Variants in LRRC17 observed in about 807,000 individuals in gnomAD.
LRRC17 encodes the protein leucine-rich repeat-containing protein 17.
A neutral mutation model predicts 41.5 loss-of-function variants in LRRC17; 33 were observed. The ratio of observed to expected loss-of-function variants is 0.80; its 90% CI spans 0.60 to 1.06. The LOEUF (loss-of-function observed/expected upper bound fraction) is 1.06. Ranked by LOEUF, LRRC17 falls within the 50% of genes least tolerant of loss-of-function variation. LRRC17 has a pLI of 0.00. For missense variants in LRRC17, 491 were observed against 519.3 expected (o/e 0.95, Z 0.53); for synonymous variants, 192 against 197.0 (o/e 0.97, Z 0.21).
chr7:102,926,519 T>C (rs916370299), intron 1 of LRRC17: 2 of 613,686 alleles, frequency 3.3e-6, no homozygotes, highest in African/African-American at 3.8e-5. Flanking sequence ...TACTATTAGG[T>C]TGAAATGAAA....
chr7:102,938,433 A>G (rs1165204578), intron 2 of LRRC17, among the ~76,000 whole-genome samples: 1 of 152,214 alleles, frequency 6.6e-6, no homozygotes, highest in Non-Finnish European at 1.5e-5. Context: ...GTTGCTGACA[A>G]CCAATATAGC....
intron 3 of LRRC17, among the ~76,000 whole-genome samples, chr7:102,942,578 T>A (rs562531374): frequency 6.6e-6 from 1 of 152,318 alleles, no homozygotes; most frequent in East Asian, 1.9e-4. Context: ...ATGCTTTTAA[T>A]CTCAAAGTCT....
intron 1 of LRRC17, among the ~76,000 whole-genome samples, chr7:102,929,818 T>C (rs1054344092): frequency 1.3e-5 from 2 of 152,092 alleles, no homozygotes; most frequent in Admixed American, 6.6e-5. Flanking sequence ...AAGTTGGTTG[T>C]GGTGATGGTC....
At chr7:102,939,391 A>G (rs1233160822) in intron 2 of LRRC17, 39 bp from the exon 3 acceptor site, 2 of 1,561,320 alleles carry the variant, frequency 1.3e-6, no homozygotes, top group East Asian at 4.5e-5. Context: ...AATGGGGGCA[A>G]AAAGAGCATA....
chr7:102,923,626 G>C (rs1006269874), intron 1 of LRRC17, among the ~76,000 whole-genome samples: 3 of 151,374 alleles, frequency 2.0e-5, no homozygotes, highest in Non-Finnish European at 2.9e-5. Context: ...TTCAAGACCA[G>C]CCTGACCAAT....
intron 1 of LRRC17, among the ~76,000 whole-genome samples, chr7:102,929,308 T>C (rs187100192): frequency 6.6e-6 from 1 of 152,292 alleles, no homozygotes; most frequent in Non-Finnish European, 1.5e-5. Flanking sequence ...ATAAGTGTAA[T>C]ACAGTGTGAA....
chr7:102,929,535 G>A (rs1033422323), intron 1 of LRRC17, among the ~76,000 whole-genome samples: 11 of 152,002 alleles, frequency 7.2e-5, no homozygotes, highest in African/African-American at 1.9e-4. Flanking sequence ...GCAGTGGCAC[G>A]TGCCTATAAT....
chr7:102,929,913 A>G (rs1026041951), intron 1 of LRRC17, among the ~76,000 whole-genome samples: 8 of 152,254 alleles, frequency 5.3e-5, no homozygotes, highest in Admixed American at 4.6e-4. Context: ...TAAATTTATT[A>G]TATCTCAATA....
chr7:102,935,029 A>G (rs1820011223), intron 2 of LRRC17, among the ~76,000 whole-genome samples: 2 of 152,148 alleles, frequency 1.3e-5, no homozygotes, highest in African/African-American at 4.8e-5. Context: ...AATAAGTGCA[A>G]ATGCCATCTA....
intron 1 of LRRC17, among the ~76,000 whole-genome samples, chr7:102,921,651 G>A (rs577940707): frequency 2.9e-4 from 44 of 152,200 alleles, no homozygotes; most frequent in Non-Finnish European, 6.3e-4. Flanking sequence ...CTGCACTCCA[G>A]CCTGGGCGAC....
At chr7:102,913,348 GTTAAC>G in intron 1 of LRRC17, 5 of 1,047,880 alleles carry the variant, frequency 4.8e-6, no homozygotes, top group Non-Finnish European at 4.1e-6. Context: ...TAACTTTACT[GTTAAC>G]TCTCTACCTG....
intron 1 of LRRC17, among the ~76,000 whole-genome samples, chr7:102,922,291 T>C (rs1406670200): frequency 6.6e-6 from 1 of 152,042 alleles, no homozygotes; most frequent in Non-Finnish European, 1.5e-5. Context: ...ACAATACTTA[T>C]CAAGTTATAC....
In LRRC17 at chr7:102,939,596, C is replaced by T; in HGVS notation, c.928+11C>T. 6.3e-7 allele frequency: 1 copy of T among 1,596,986 alleles called. No individual in the cohort carries two copies. Among genetic ancestry groups the T allele is most frequent in the Non-Finnish European group, 8.5e-7 (1 of 1,171,926 alleles). ...AATTCATCGATCCTGGTAAGTTCCC[C>T]TGTATAGCCCCTTCAATGGGTGGCA... On this transcript the variant is annotated intron_variant, in intron 3 of 3. Transcript: ENST00000339431.
intron 1 of LRRC17, among the ~76,000 whole-genome samples, chr7:102,913,402 A>G (rs1410882508): frequency 3.3e-5 from 5 of 152,258 alleles, no homozygotes; most frequent in African/African-American, 1.2e-4. Context: ...AAGGTAACAC[A>G]CAATACATTT....
At position 102,944,117 on chromosome 7, in the gene LRRC17, A is replaced by G. The variant is rs976586031; in HGVS notation, c.929-93A>G. 15 of 948,788 alleles carry G rather than the reference A, an allele frequency of 1.6e-5. No individual in the cohort carries two copies. The African/African-American group carries it at 2.4e-4, about 15-fold the overall frequency. The allele number at this position is 948,788 out of a possible 1,614,324, so 58.8% of individuals were successfully genotyped here. ...TCTTTATTTTCAAAGGGGAAAATTA[A>G]GCCTCTTTTTAAAATTTGTATTTGT... On this transcript the variant is annotated intron_variant, in intron 3 of 3. Transcript: ENST00000339431.
chr7:102,934,417 T>C lies in LRRC17; in HGVS notation c.504T>C (p.Thr168=). The C allele has an allele frequency of 1.1e-5, 17 of 1,614,172 alleles. No individual in the cohort carries two copies. The highest frequency in any genetic ancestry group is 1.4e-5 in the Non-Finnish European group (17 of 1,180,030). ...TTTATGACAACCCCTGGCACTGTAC[T>C]TGTGAGATAGAAACGCTTATTTCAA... ...LRLYDNPWHC[T]CEIETLISML... Residue 168 remains threonine (T), a synonymous_variant, in exon 2 of 4, where the codon ACT becomes ACC. Coordinates refer to ENST00000339431, the MANE Select transcript of LRRC17 (RefSeq NM_001031692.3).
At chr7:102,915,790 A>T (rs963173886) in intron 1 of LRRC17, among the ~76,000 whole-genome samples, 1 of 152,198 alleles carries the variant, frequency 6.6e-6, no homozygotes, top group Non-Finnish European at 1.5e-5. Context: ...ATATTAAGTA[A>T]GATTTTGTGG....
At chr7:102,924,740 C>T (rs1033811250) in intron 1 of LRRC17, among the ~76,000 whole-genome samples, 1 of 146,320 alleles carries the variant, frequency 6.8e-6, no homozygotes, top group Non-Finnish European at 1.5e-5. Flanking sequence ...CTCCTGGGTT[C>T]ATGCCATTCT....
chr7:102,935,203 T>C (rs982888771), intron 2 of LRRC17, among the ~76,000 whole-genome samples: 5 of 149,836 alleles, frequency 3.3e-5, no homozygotes, highest in African/African-American at 9.8e-5. Flanking sequence ...AAGGTTTTAA[T>C]AAATGCTCCT....
Sources: allele counts gnomAD v4.1 joint callset (sites outside exome capture counted in the v4.1 genomes callset), GRCh38; gene constraint gnomAD v4.1.1; transcripts MANE v1.5; gene names NCBI Gene and HGNC (gene_info 2026-07-23, HGNC 2026-07-21).